NCL: variants seen among roughly 807,000 people sequenced by gnomAD.
NCL encodes nucleolin multifunctional protein.
NCL carries 4 observed loss-of-function variants against 77.7 expected under a neutral mutation model. The observed-to-expected ratio is 0.05, with a 90% CI of 0.03 to 0.12. The LOEUF is 0.12. Among genes scored for constraint, NCL ranks in the 10% least tolerant of loss-of-function variants. The pLI, the probability that NCL is intolerant of heterozygous loss-of-function variation, is 1.00. For missense variants in NCL, 763 were observed against 860.9 expected (o/e 0.89, Z 1.42); for synonymous variants, 344 against 297.8 (o/e 1.16, Z -1.60).
chr2:231,458,451 CA>C, intron 7 of NCL, 62 bp from the exon 8 acceptor site: 2 of 1,572,478 alleles, frequency 1.3e-6, no homozygotes, highest in Non-Finnish European at 1.7e-6. Context: ...GGGGCAACAA[CA>C]AAAAGAGGGG....
At chr2:231,460,902 C>T in intron 3 of NCL, 36 bp from the exon 4 acceptor site, 1 of 1,513,554 alleles carries the variant, frequency 6.6e-7, no homozygotes, top group Non-Finnish European at 9.2e-7. Context: ...GCAGCAATCT[C>T]CCAAAACCAA....
intron 11 of NCL, 104 bp downstream of exon 11, chr2:231,456,527 A>G: frequency 6.6e-7 from 1 of 1,506,808 alleles, no homozygotes; most frequent in South Asian, 1.1e-5. Context: ...ATATCCAGTT[A>G]TTGTTCACTC....
chr2:231,455,236 TCCTCCTCTG>T lies in NCL; in HGVS notation c.2079_2087del (p.Arg694_Gly696del). ...TTCCTTGTGGCTTGTGGTCACCTCCTCCTCCTCTGCCTCCTCGGAAGCCTCCTCGCCCTA... is the reference window on the plus strand; with the variant it reads ...TTCCTTGTGGCTTGTGGTCACCTCCTCCTCCTCGGAAGCCTCCTCGCCCTA... On this transcript the variant is annotated inframe_deletion, in exon 14 of 14. Coordinates refer to ENST00000322723, the MANE Select transcript of NCL (RefSeq NM_005381.3). 3.1e-6 allele frequency: 5 copies of T among 1,614,168 alleles called. No individual in the cohort carries two copies. The highest frequency in any genetic ancestry group is 4.2e-6 in the Non-Finnish European group (5 of 1,180,012).
intron 12 of NCL, 62 bp from the exon 13 acceptor site, chr2:231,455,686 C>A: frequency 1.3e-6 from 2 of 1,543,404 alleles, no homozygotes; most frequent in South Asian, 1.1e-5. Flanking sequence ...CCCAAGTTAA[C>A]TGTACATGCT....
At chr2:231,458,455 A>T in intron 7 of NCL, 66 bp from the exon 8 acceptor site, 1 of 1,562,490 alleles carries the variant, frequency 6.4e-7, no homozygotes, top group Non-Finnish European at 8.7e-7. Context: ...CAACAACAAA[A>T]AGAGGGGAAA....
intron 7 of NCL, 133 bp downstream of exon 7, chr2:231,458,868 A>G (rs759109088): frequency 1.0e-4 from 101 of 984,746 alleles, no homozygotes; most frequent in Non-Finnish European, 1.4e-4. Flanking sequence ...TTTAATTCCC[A>G]CATTAAGAGG....
intron 2 of NCL, 83 bp from the exon 3 acceptor site, chr2:231,462,100 C>T (rs1316089212): frequency 6.6e-7 from 1 of 1,517,488 alleles, no homozygotes; most frequent in Non-Finnish European, 9.1e-7. Context: ...ATGTTAGACT[C>T]TGGCAATGCC....
chr2:231,463,178 G>A (rs768197430), intron 2 of NCL, 22 bp downstream of exon 2: 4 of 1,495,748 alleles, frequency 2.7e-6, no homozygotes, highest in African/African-American at 1.4e-5. Context: ...ACATAATTCT[G>A]CATTAAGTTG....
Position 231,461,766 on chromosome 2 carries a change from G to A in NCL, c.387C>T (p.Ile129=). 2 of 1,614,140 alleles carry A rather than the reference G, an allele frequency of 1.2e-6. No individual in the cohort carries two copies. The highest frequency in any genetic ancestry group is 1.7e-6 in the Non-Finnish European group (2 of 1,180,040). The change falls in exon 3 of 14, where the codon ATC becomes ATT. Residue 129 remains isoleucine (I), a synonymous_variant. Coordinates refer to ENST00000322723, the MANE Select transcript of NCL (RefSeq NM_005381.3). ...VATPGKKGAA[I]PAKGAKNGKN... is the part of the protein sequence containing the mutation. ...TGCCATTCTTTGCCCCCTTGGCTGGGATGGCAGCACCCTTCTTACCAGGAG... is the reference window on the plus strand; with the variant it reads ...TGCCATTCTTTGCCCCCTTGGCTGGAATGGCAGCACCCTTCTTACCAGGAG...
Position 231,455,699 on chromosome 2 carries a change from G to A in NCL, c.1833-75C>T, listed in dbSNP as rs16828077. ...GTCCCAAGTTAACTGTACATGCTGG[G>A]GAGCCATCCCACAGAAAGTAGCCTT... is the stretch of plus-strand genomic sequence containing the variant. On this transcript the variant is annotated intron_variant, in intron 12 of 13. Coordinates refer to ENST00000322723, the MANE Select transcript of NCL (RefSeq NM_005381.3). The A allele has an allele frequency of 1.7e-3, 2,585 of 1,498,592 alleles. 38 individuals carry two copies. The African/African-American group carries it at 0.032, about 18-fold the overall frequency. The allele number at this position is 1,498,592 out of a possible 1,614,324, so 92.8% of individuals were successfully genotyped here.
intron 9 of NCL, 169 bp from the exon 10 acceptor site, chr2:231,457,293 G>C: frequency 1.1e-6 from 1 of 932,562 alleles, no homozygotes; most frequent in East Asian, 2.6e-5. Context: ...TACCTAGTAC[G>C]TGTTGCAATG....
At chr2:231,464,194 C>G in intron 1 of NCL, 142 bp downstream of exon 1, 4 of 1,468,200 alleles carry the variant, frequency 2.7e-6, no homozygotes, top group Non-Finnish European at 2.7e-6. Context: ...GCGAGACCTC[C>G]CCACTAATCG....
Position 231,461,666 on chromosome 2 carries a change from C to T in NCL, c.487G>A (p.Glu163Lys), listed in dbSNP as rs773553375. The T allele has an allele frequency of 6.2e-5, 100 of 1,611,330 alleles. No homozygotes were observed. The highest frequency in any genetic ancestry group is 6.7e-5 in the Non-Finnish European group (79 of 1,177,602). ...TCAATTTCATCTTCATCCTCATCCT[C>T]GTCCTCGTCATCCTCCTCATCCTCC... ...SEEDEEDDED[E>K]DEDEDEIEPA... Residue 163 changes from glutamate (E) to lysine (K), a missense_variant, in exon 3 of 14, where the codon GAG (glutamate) becomes AAG (lysine). Coordinates refer to ENST00000322723, the MANE Select transcript of NCL (RefSeq NM_005381.3).
At chr2:231,455,955 G>A (rs896859104) in intron 12 of NCL, 55 bp downstream of exon 12, 19 of 1,613,514 alleles carry the variant, frequency 1.2e-5, no homozygotes, top group Non-Finnish European at 1.4e-5. Context: ...CTCAAGGTCT[G>A]CACAGAACAA....
In NCL at chr2:231,460,849, T is replaced by C. The variant is rs2046942691; in HGVS notation, c.631A>G (p.Met211Val). Residue 211 changes from methionine (M) to valine (V), a missense_variant, in exon 4 of 14, where the codon ATG becomes GTG. By Grantham distance (21) the Met-to-Val change is conservative. Transcript: ENST00000322723. ...DEEDDSEEEA[M>V]ETTPAKGKKA... ...TTTCCTTTGGCTGGTGTAGTCTCCA[T>C]AGCTTCTTCTTCAGAGTCTGAAAGA... is the stretch of plus-strand genomic sequence containing the variant. 1 of 1,614,080 alleles carries C rather than the reference T, an allele frequency of 6.2e-7. No individual in the cohort carries two copies. Among genetic ancestry groups the C allele is most frequent in the Non-Finnish European group, 8.5e-7 (1 of 1,179,984 alleles).
intron 5 of NCL, 57 bp downstream of exon 5, chr2:231,460,421 T>C (rs1559541837): frequency 1.3e-6 from 2 of 1,589,476 alleles, no homozygotes; most frequent in African/African-American, 1.3e-5. Flanking sequence ...TAAGTCCCTT[T>C]GTTATTCATC....
intron 2 of NCL, 89 bp downstream of exon 2, chr2:231,463,111 C>T (rs2046967603): frequency 1.0e-6 from 1 of 954,974 alleles, no homozygotes; most frequent in South Asian, 1.6e-5. Flanking sequence ...TGAATAAAAT[C>T]TTATTTTTGC....
In NCL at chr2:231,455,204, G is replaced by A. The variant is rs775954225; in HGVS notation, c.2120C>T (p.Thr707Met). The A allele has an allele frequency of 1.3e-5, 21 of 1,614,038 alleles. No individual in the cohort carries two copies. The highest frequency in any genetic ancestry group is 8.9e-5 in the East Asian group (4 of 44,894). Residue 707 changes from threonine (T) to methionine (M), a missense_variant, in exon 14 of 14, where the codon ACG becomes ATG. Around this residue, in one of 2 missense-constraint regions of NCL, gnomAD observed 173 missense variants for 290.4 expected, o/e 0.60. Transcript: ENST00000322723. ...GGDHKPQGKK[T>M]KFE is the part of the protein sequence containing the mutation. ...GAGGGACAGAAGCTATTCAAACTTC[G>A]TCTTCTTTCCTTGTGGCTTGTGGTC... is the stretch of plus-strand genomic sequence containing the variant.
chr2:231,458,128 G>T, intron 8 of NCL, 138 bp downstream of exon 8: 3 of 1,121,226 alleles, frequency 2.7e-6, no homozygotes, highest in Non-Finnish European at 3.8e-6. Context: ...TGGTACAGAT[G>T]GGTTACTGAG....
Sources: gnomAD v4.1 joint callset for allele counts on GRCh38, gnomAD v4.1.1 for gene constraint, gnomAD v4.1.1 regional missense constraint, MANE v1.5 for transcripts, NCBI Gene and HGNC (gene_info 2026-07-23, HGNC 2026-07-21) for gene names.